Variants in OR4M1 observed in about 807,000 individuals in gnomAD.
OR4M1 encodes the protein olfactory receptor family 4 subfamily M member 1, also known as olfactory receptor 4M1.
OR4M1 carries 7 observed loss-of-function variants against 9.8 expected under a neutral mutation model. The observed-to-expected ratio is 0.71, with a 90% confidence interval of 0.41 to 1.34. The LOEUF (loss-of-function observed/expected upper bound fraction) is 1.34, where lower values mean the gene tolerates loss of function less well. Ranked by LOEUF, OR4M1 falls within the 40% of genes most tolerant of loss-of-function variation. The pLI is 0.01. For missense variants in OR4M1, 331 were observed against 380.4 expected, an observed-to-expected ratio of 0.87 and a Z score of 1.08; for synonymous variants, 121 against 139.8, an observed-to-expected ratio of 0.87 and a Z score of 0.95.
intron 1 of OR4M1, among the ~76,000 whole-genome samples, chr14:19,775,184 C>T (rs929294328): frequency 1.1e-4 from 17 of 152,238 alleles, no homozygotes; most frequent in African/African-American, 3.6e-4. Flanking sequence ...ACCAGCATTG[C>T]TTCCTGATAA....
At position 19,781,498 on chromosome 14, in the gene OR4M1, A is replaced by G; in HGVS notation, c.*234A>G. 2.0e-6 allele frequency: 1 copy of G among 501,292 alleles called. No individual in the cohort carries two copies. The highest frequency in any genetic ancestry group is 3.2e-5 in the East Asian group (1 of 30,856). The allele number at this position is 501,292 out of a possible 1,614,324, so 31.1% of individuals were successfully genotyped here. A position where few individuals can be genotyped will look rare whatever the true frequency, so the allele number is the denominator to read the frequency against. ...GCAGATCATTATTAGAATTTGAGATATAATAATAATCTGCTAAAGTACATT... is the reference window on the plus strand; with the variant it reads ...GCAGATCATTATTAGAATTTGAGATGTAATAATAATCTGCTAAAGTACATT... On this transcript the variant is annotated 3_prime_UTR_variant, in exon 2 of 2. Transcript: ENST00000641200.
In OR4M1 at chr14:19,781,406, T is replaced by C. The variant is rs569428624; in HGVS notation, c.*142T>C. The C allele has an allele frequency of 1.7e-4, 141 of 811,720 alleles. No homozygotes were observed. In the African/African-American group the frequency reaches 2.2e-3, roughly 13 times the overall value. The allele number at this position is 811,720 out of a possible 1,614,324, so 50.3% of individuals were successfully genotyped here. A position where few individuals can be genotyped will look rare whatever the true frequency, so the allele number is the denominator to read the frequency against. ...TATAATTTTTCTCTATTAATTCCTC[T>C]TTATATTGAAAAAATAGAGGCATTA... On this transcript the variant is annotated 3_prime_UTR_variant, in exon 2 of 2. Coordinates refer to ENST00000641200, the MANE Select transcript of OR4M1 (RefSeq NM_001005500.2).
intron 1 of OR4M1, among the ~76,000 whole-genome samples, chr14:19,775,938 A>T (rs1280270732): frequency 6.6e-6 from 1 of 151,954 alleles, no homozygotes; most frequent in African/African-American, 2.4e-5. Context: ...GCAACGATGC[A>T]CACAGAAAAT....
At chr14:19,778,853 T>C (rs1170911013) in intron 1 of OR4M1, among the ~76,000 whole-genome samples, 1 of 152,194 alleles carries the variant, frequency 6.6e-6, no homozygotes, top group Non-Finnish European at 1.5e-5. Flanking sequence ...AAATTTTAAA[T>C]TTTTCAATCT....
Position 19,782,730 on chromosome 14 carries a change from C to T in OR4M1, c.*1466C>T, listed in dbSNP as rs545549939. On this transcript the variant is annotated 3_prime_UTR_variant, in exon 2 of 2. Transcript: ENST00000641200. ...GCTACGTTACTTCTCTTCTAGGAACCCAAAGGCATGGATTGATGTTATGAG... is the reference window on the plus strand; with the variant it reads ...GCTACGTTACTTCTCTTCTAGGAACTCAAAGGCATGGATTGATGTTATGAG... 3 of 152,276 alleles carry T rather than the reference C, an allele frequency of 2.0e-5. No homozygotes were observed. In the South Asian group the frequency reaches 6.2e-4, roughly 32 times the overall value. The allele number at this position is 152,276 out of a possible 1,614,324, so 9.4% of individuals were successfully genotyped here. A position where few individuals can be genotyped will look rare whatever the true frequency, so the allele number is the denominator to read the frequency against.
chr14:19,775,250 C>T (rs372900987), intron 1 of OR4M1, among the ~76,000 whole-genome samples: 31 of 152,280 alleles, frequency 2.0e-4, no homozygotes, highest in South Asian at 1.2e-3. Context: ...TGCATGTGCA[C>T]GGTTGTCCTT....
At position 19,780,711 on chromosome 14, in the gene OR4M1, T is replaced by A. The variant is rs777380718; in HGVS notation, c.389T>A (p.Leu130His). Residue 130 changes from leucine to histidine, a missense_variant, in exon 2 of 2, where the codon CTC (leucine) becomes CAC (histidine). Around this residue, in one of 2 missense-constraint regions of OR4M1, gnomAD observed 209 missense variants for 200.0 expected, o/e 1.04. Coordinates refer to ENST00000641200, the MANE Select transcript of OR4M1 (RefSeq NM_001005500.2). ...CGCTATGCTGCTATCTGCCGACCCC[T>A]CCACTATGCTACCATCATGAATCGA... ...YDRYAAICRP[L>H]HYATIMNRRL... 2.5e-6 allele frequency: 4 copies of A among 1,614,108 alleles called. No individual in the cohort carries two copies. The highest frequency in any genetic ancestry group is 3.4e-6 in the Non-Finnish European group (4 of 1,180,036).
chr14:19,777,810 G>C (rs1409143849), intron 1 of OR4M1, among the ~76,000 whole-genome samples: 1 of 152,138 alleles, frequency 6.6e-6, no homozygotes, highest in Non-Finnish European at 1.5e-5. Context: ...TGGTATTTTA[G>C]GTAATGGTTA....
intron 1 of OR4M1, among the ~76,000 whole-genome samples, chr14:19,777,046 A>ATATG (rs1878336022): frequency 8.2e-6 from 1 of 121,512 alleles, no homozygotes; most frequent in African/African-American, 3.1e-5. Flanking sequence ...ATATATATAT[A>ATATG]TATTGTTTGT....
intron 1 of OR4M1, among the ~76,000 whole-genome samples, chr14:19,777,007 C>CTT (rs1555326141): frequency 2.2e-5 from 1 of 45,928 alleles, no homozygotes; most frequent in East Asian, 7.7e-4. Context: ...TTGTTTAAGC[C>CTT]ATATATATAT....
At chr14:19,778,841 C>T (rs1433348396) in intron 1 of OR4M1, among the ~76,000 whole-genome samples, 1 of 152,082 alleles carries the variant, frequency 6.6e-6, no homozygotes, top group African/African-American at 2.4e-5. Context: ...TCTTCCTAAA[C>T]CAAATTTTAA....
At position 19,780,638 on chromosome 14, in the gene OR4M1, T is replaced by C. The variant is rs1453820837; in HGVS notation, c.316T>C (p.Phe106Leu). ...GCIAQLFFLH[F>L]VGASEMFLLT... ...CATTGCACAGCTCTTCTTCTTACAC[T>C]TTGTTGGGGCTTCGGAGATGTTCTT... is the stretch of plus-strand genomic sequence containing the variant. Residue 106 changes from phenylalanine (F) to leucine (L), a missense_variant, in exon 2 of 2, where the codon TTT becomes CTT. By Grantham distance (22) the Phe-to-Leu change is conservative. This residue lies in a region of OR4M1 where 209 missense variants were observed against 200.0 expected (regional missense o/e 1.04). Transcript: ENST00000641200. 1 of 1,614,114 alleles carries C rather than the reference T, an allele frequency of 6.2e-7. No homozygotes were observed. The highest frequency in any genetic ancestry group is 8.5e-7 in the Non-Finnish European group (1 of 1,180,028).
chr14:19,775,388 C>A (rs1319169918), intron 1 of OR4M1, among the ~76,000 whole-genome samples: 1 of 152,046 alleles, frequency 6.6e-6, no homozygotes, highest in Non-Finnish European at 1.5e-5. Flanking sequence ...GGCTATATTT[C>A]CCAGCCTGTC....
rs1425395743 is a variant in OR4M1 at position 19,780,385 on chromosome 14, G to A, written c.63G>A (p.Arg21=). ...EFVLTGLSQT[R]EVQLVLFVIF... ...TTCTCACTGGCCTATCCCAGACTCG[G>A]GAGGTCCAACTAGTCCTATTTGTTA... The change falls in exon 2 of 2, where the codon CGG becomes CGA. Residue 21 remains arginine, a synonymous_variant. Coordinates refer to ENST00000641200, the MANE Select transcript of OR4M1 (RefSeq NM_001005500.2). The A allele has an allele frequency of 3.4e-5, 55 of 1,614,008 alleles. No individual in the cohort carries two copies. Among genetic ancestry groups the A allele is most frequent in the Non-Finnish European group, 3.8e-5 (45 of 1,179,978 alleles).
chr14:19,778,789 T>G (rs995701156), intron 1 of OR4M1, among the ~76,000 whole-genome samples: 2 of 151,926 alleles, frequency 1.3e-5, no homozygotes, highest in Non-Finnish European at 2.9e-5. Flanking sequence ...TCTTAGGAAA[T>G]ATGTCATTCT....
chr14:19,781,132 T>A lies in OR4M1; in HGVS notation c.810T>A (p.Asp270Glu), dbSNP rs760255910. The A allele has an allele frequency of 1.2e-6, 2 of 1,614,122 alleles. No individual in the cohort carries two copies. The highest frequency in any genetic ancestry group is 1.3e-5 in the African/African-American group (1 of 74,946). The change falls in exon 2 of 2, where the codon GAT becomes GAA. Residue 270 changes from aspartate (D) to glutamate (E), a missense_variant. This residue lies in a region of OR4M1 where 122 missense variants were observed against 180.5 expected (regional missense o/e 0.68). Coordinates refer to ENST00000641200, the MANE Select transcript of OR4M1 (RefSeq NM_001005500.2). ...YARPFDSFSL[D>E]KVVSVFHTVI... ...GCCCATTTGACTCATTTTCCCTAGA[T>A]AAAGTGGTGTCTGTGTTTCATACTG...
intron 1 of OR4M1, among the ~76,000 whole-genome samples, chr14:19,778,960 A>G (rs1878387015): frequency 2.0e-5 from 3 of 152,162 alleles, no homozygotes; most frequent in East Asian, 1.9e-4. Flanking sequence ...ACATTACTCA[A>G]TTTCTGAGTA....
At chr14:19,773,934 G>A (rs1421671462) in intron 1 of OR4M1, among the ~76,000 whole-genome samples, 2 of 152,176 alleles carry the variant, frequency 1.3e-5, no homozygotes, top group Non-Finnish European at 2.9e-5. Flanking sequence ...TTGATTTATG[G>A]GTCTTCAGAG....
At chr14:19,777,753 C>A (rs1205098514) in intron 1 of OR4M1, among the ~76,000 whole-genome samples, 1 of 152,210 alleles carries the variant, frequency 6.6e-6, no homozygotes, top group Non-Finnish European at 1.5e-5. Flanking sequence ...TTTTGACATG[C>A]ATTAAATGAC....
Sources: allele counts gnomAD v4.1 joint callset (sites outside exome capture counted in the v4.1 genomes callset), GRCh38; gene constraint gnomAD v4.1.1; regional missense constraint gnomAD v4.1.1; transcripts MANE v1.5; gene names NCBI Gene and HGNC (gene_info 2026-07-23, HGNC 2026-07-21).